The following APOO variants were observed in gnomAD, a reference collection of about 807,000 sequenced individuals.
The protein encoded by APOO is MICOS complex subunit MIC26.
A neutral mutation model predicts 23.1 loss-of-function variants in APOO; 11 were observed. The observed-to-expected ratio is 0.48, with a 90% CI of 0.30 to 0.79. The LOEUF is 0.79. Ranked by LOEUF, APOO falls within the 30% of genes least tolerant of loss-of-function variation. The pLI, the probability that APOO is intolerant of heterozygous loss-of-function variation, is 0.07. For synonymous variants in APOO, 59 were observed against 54.8 expected, an observed-to-expected ratio of 1.08 and a Z score of -0.34; for missense variants, 160 against 142.7, an observed-to-expected ratio of 1.12 and a Z score of -0.62.
At chrX:23,855,287 T>C (rs968450097) in intron 7 of APOO, among the ~76,000 whole-genome samples, 2 of 110,015 alleles carry the variant, frequency 1.8e-5, no homozygotes, top group African/African-American at 3.3e-5. Context: ...GGACTCCCAA[T>C]GTGCTGGGCG....
intron 1 of APOO, among the ~76,000 whole-genome samples, chrX:23,884,470 A>AT (rs1287798888): frequency 3.6e-5 from 4 of 112,346 alleles, no homozygotes; most frequent in Middle Eastern, 4.6e-3. Flanking sequence ...ACTGACAAGA[A>AT]TCGTGTATAT....
At chrX:23,906,278 T>C (rs908379904) in intron 1 of APOO, among the ~76,000 whole-genome samples, 1 of 112,992 alleles carries the variant, frequency 8.9e-6, no homozygotes, top group African/African-American at 3.2e-5. Flanking sequence ...TTGCAGTGAT[T>C]TGTTACCCAA....
intron 1 of APOO, 108 bp from the exon 2 acceptor site, chrX:23,881,060 C>T (rs926888122): frequency 1.7e-4 from 64 of 372,897 alleles, no homozygotes; most frequent in Non-Finnish European, 2.5e-4. Flanking sequence ...GCTTACTGTG[C>T]TTTATTTTAT....
intron 7 of APOO, among the ~76,000 whole-genome samples, chrX:23,841,173 CAG>C (rs1157059138): frequency 9.0e-6 from 1 of 111,344 alleles, no homozygotes; most frequent in Non-Finnish European, 1.9e-5. Context: ...GCCCCTCTTT[CAG>C]AGTTATTCAT....
chrX:23,885,014 A>C (rs1327662354), intron 1 of APOO, among the ~76,000 whole-genome samples: 1 of 111,705 alleles, frequency 9.0e-6, no homozygotes, highest in African/African-American at 3.3e-5. Context: ...TTGGAAATTA[A>C]GAAAAAGTTG....
rs953617649 is a variant in APOO at position 23,840,971 on chromosome X, T to C, written c.562-594A>G. 1.2e-4 allele frequency: 13 copies of C among 112,138 alleles called. No homozygotes were observed. In the East Asian group the frequency reaches 3.4e-3, roughly 29 times the overall value. The allele number at this position is 112,138 out of a possible 1,213,427, so 9.2% of individuals were successfully genotyped here. On this transcript the variant is annotated intron_variant, in intron 7 of 8. Transcript: ENST00000379226. ...CCATAAGAAGCAGTGTAGGAAAAGCTTCTAGTGGGAAAAGTTCACGTGCTA... is the reference window on the plus strand; with the variant it reads ...CCATAAGAAGCAGTGTAGGAAAAGCCTCTAGTGGGAAAAGTTCACGTGCTA...
intron 7 of APOO, among the ~76,000 whole-genome samples, chrX:23,855,245 A>G (rs1191974793): frequency 9.2e-6 from 1 of 109,096 alleles, no homozygotes; most frequent in African/African-American, 3.3e-5. Flanking sequence ...GGCTGGTCTC[A>G]AACTCCTGAG....
chrX:23,840,779 A>G (rs1044624682), intron 7 of APOO: 13 of 114,750 alleles, frequency 1.1e-4, no homozygotes, highest in Non-Finnish European at 2.3e-4. Flanking sequence ...TCCTGAAATA[A>G]AGGTTTTACA....
At chrX:23,845,213 T>C (rs1924176397) in intron 7 of APOO, among the ~76,000 whole-genome samples, 1 of 112,356 alleles carries the variant, frequency 8.9e-6, no homozygotes, top group African/African-American at 3.2e-5. Flanking sequence ...TAATGGTGTT[T>C]TTAAAAAGAA....
chrX:23,841,640 C>A (rs1245362214), intron 7 of APOO, among the ~76,000 whole-genome samples: 1 of 109,768 alleles, frequency 9.1e-6, no homozygotes, highest in African/African-American at 3.3e-5. Flanking sequence ...CTACTTGATG[C>A]TCTGAACAAG....
intron 8 of APOO, among the ~76,000 whole-genome samples, chrX:23,835,051 C>G (rs1033906939): frequency 3.9e-5 from 4 of 103,517 alleles, no homozygotes; most frequent in African/African-American, 1.4e-4. Flanking sequence ...TGAATATACT[C>G]AGCAATTAGA....
chrX:23,893,725 C>T (rs758268723), intron 1 of APOO, among the ~76,000 whole-genome samples: 1 of 110,492 alleles, frequency 9.1e-6, no homozygotes, highest in Non-Finnish European at 1.9e-5. Flanking sequence ...CCTGCCACCA[C>T]GCCCAGCTAA....
intron 6 of APOO, 108 bp from the exon 7 acceptor site, chrX:23,856,490 G>A: frequency 1.8e-6 from 1 of 568,557 alleles, no homozygotes; most frequent in South Asian, 2.8e-5. Flanking sequence ...GCATGCATAT[G>A]TTCATCATAG....
At chrX:23,845,521 C>T (rs67523382) in intron 7 of APOO, among the ~76,000 whole-genome samples, 18,855 of 111,728 alleles carry the variant, frequency 0.17, 1,192 homozygotes, top group South Asian at 0.24. Context: ...CTCCCCCAAT[C>T]CCTGGCAATC....
At chrX:23,845,339 TAAA>T (rs1032839946) in intron 7 of APOO, among the ~76,000 whole-genome samples, 2 of 111,742 alleles carry the variant, frequency 1.8e-5, no homozygotes, top group Non-Finnish European at 3.8e-5. Context: ...AGCTGTCATT[TAAA>T]AAAAATACAG....
intron 1 of APOO, among the ~76,000 whole-genome samples, chrX:23,889,357 T>G (rs961714394): frequency 1.1e-4 from 12 of 111,474 alleles, no homozygotes; most frequent in Non-Finnish European, 2.3e-4. Flanking sequence ...GTTGTGATTA[T>G]GTTCCAGTAA....
chrX:23,907,480 C>T (rs1003803153), intron 1 of APOO, among the ~76,000 whole-genome samples: 1 of 112,580 alleles, frequency 8.9e-6, no homozygotes, highest in African/African-American at 3.2e-5. Context: ...GGGCCGCCCC[C>T]ACCCACCCGG....
At chrX:23,891,779 AC>A (rs1926664748) in intron 1 of APOO, among the ~76,000 whole-genome samples, 1 of 110,208 alleles carries the variant, frequency 9.1e-6, no homozygotes, top group Non-Finnish European at 1.9e-5. Flanking sequence ...AAGTATATAT[AC>A]ACTTACAGTA....
At chrX:23,879,121 T>C (rs1601923045) in intron 2 of APOO, 87 bp from the exon 3 acceptor site, 3 of 1,013,818 alleles carry the variant, frequency 3.0e-6, no homozygotes, top group Non-Finnish European at 3.9e-6. Flanking sequence ...TAATATAATA[T>C]TTCTAGTAAT....
Sources: allele counts gnomAD v4.1 joint callset (sites outside exome capture counted in the v4.1 genomes callset), GRCh38; gene constraint gnomAD v4.1.1; transcripts MANE v1.5; gene names NCBI Gene and HGNC (gene_info 2026-07-23, HGNC 2026-07-21).